Variants in CDK8 observed in about 807,000 individuals in gnomAD.
CDK8 encodes the protein cyclin-dependent kinase 8.
Under a neutral mutation model 71.5 loss-of-function variants are expected in CDK8, and 29 were observed. The observed-to-expected ratio is 0.41, with a 90% CI of 0.30 to 0.55. CDK8 has a LOEUF of 0.55. Ranked by LOEUF, CDK8 falls within the 20% of genes least tolerant of loss-of-function variation. The probability of loss-of-function intolerance (pLI) is 0.37; values close to 1 mark genes in which losing one functional copy is unlikely to be tolerated. For missense variants in CDK8, 288 were observed against 572.6 expected (o/e 0.50, Z 5.07); for synonymous variants, 161 against 192.1 (o/e 0.84, Z 1.34).
At chr13:26,397,418 T>C (rs1011816396) in intron 9 of CDK8, among the ~76,000 whole-genome samples, 193 bp downstream of exon 9, 2 of 152,130 alleles carry the variant, frequency 1.3e-5, no homozygotes, top group Admixed American at 6.5e-5. Flanking sequence ...CATATCATGG[T>C]TTGACAGACT....
In CDK8 at chr13:26,254,595, G is replaced by GCCCCCCCGCCC; in HGVS notation, c.-41_-40insCGCCCCCCCCC. On this transcript the variant is annotated 5_prime_UTR_variant, in exon 1 of 13. Transcript: ENST00000381527. The surrounding 1 kb of genome is among the most constrained non-coding windows in gnomAD (Gnocchi z 6.7). ...CCGTGCTTCCCCGGTCCCCACCCCT[G>GCCCCCCCGCCC]CCCCCCGGCCCCCCGACCCAGCTCT... 8.4e-7 allele frequency: 1 copy of GCCCCCCCGCCC among 1,194,430 alleles called. No homozygotes were observed. The highest frequency in any genetic ancestry group is 1.4e-5 in the South Asian group (1 of 74,072). The allele number at this position is 1,194,430 out of a possible 1,614,324, so 74.0% of individuals were successfully genotyped here.
chr13:26,382,355 G>A (rs139240686), intron 4 of CDK8, among the ~76,000 whole-genome samples: 113 of 152,072 alleles, frequency 7.4e-4, no homozygotes, highest in East Asian at 2.9e-3. Flanking sequence ...TCAATAATTC[G>A]TTTATTTAAA....
At chr13:26,301,750 A>G (rs1056903451) in intron 1 of CDK8, among the ~76,000 whole-genome samples, 3 of 152,198 alleles carry the variant, frequency 2.0e-5, no homozygotes, top group African/African-American at 7.2e-5. Context: ...CAGTAGAACT[A>G]ATTTTATTCC....
rs145122813 is a variant in CDK8, at chr13:26,367,967, T to C, written c.456+14087T>C. On this transcript the variant is annotated intron_variant, in intron 4 of 12. Coordinates refer to ENST00000381527, the MANE Select transcript of CDK8 (RefSeq NM_001260.3). Reference sequence around the variant, plus strand: ...GCAGATTTGGCAGGGATTCTGGACTTATTAGCCCAGTGTCCCTGGATCAAT... The same window carrying C: ...GCAGATTTGGCAGGGATTCTGGACTCATTAGCCCAGTGTCCCTGGATCAAT... 1.5e-4 allele frequency among the ~76,000 whole-genome samples: 23 copies of C among 152,314 alleles called. No individual in the cohort carries two copies. The East Asian group carries it at 4.4e-3, about 29-fold the overall frequency.
At chr13:26,361,707 T>A (rs1436788415) in intron 4 of CDK8, among the ~76,000 whole-genome samples, 5 of 151,950 alleles carry the variant, frequency 3.3e-5, no homozygotes, top group African/African-American at 1.2e-4. Context: ...CATCTCTAAT[T>A]TCTAGCTTAT....
chr13:26,329,478 T>TG (rs1875195431), intron 1 of CDK8, among the ~76,000 whole-genome samples: 1 of 118,734 alleles, frequency 8.4e-6, no homozygotes, highest in African/African-American at 3.0e-5. Context: ...TGTTTTTTTT[T>TG]TTTTGTTTTT....
chr13:26,322,329 C>A (rs1466511029), intron 1 of CDK8, among the ~76,000 whole-genome samples: 1 of 152,000 alleles, frequency 6.6e-6, no homozygotes, highest in Non-Finnish European at 1.5e-5. Flanking sequence ...GTTTGATGAC[C>A]CTAAATGACC....
intron 6 of CDK8, among the ~76,000 whole-genome samples, chr13:26,392,562 G>A (rs539230467): frequency 1.1e-4 from 17 of 152,090 alleles, no homozygotes; most frequent in African/African-American, 3.9e-4. Context: ...TCCTGACCTC[G>A]TGATCCGTCC....
intron 4 of CDK8, among the ~76,000 whole-genome samples, chr13:26,357,939 C>T (rs902208350): frequency 2.6e-5 from 4 of 152,274 alleles, no homozygotes; most frequent in South Asian, 4.1e-4. Flanking sequence ...AAAACATTCA[C>T]GGAAACATTC....
chr13:26,364,939 T>A (rs772183870), intron 4 of CDK8, among the ~76,000 whole-genome samples: 1 of 152,142 alleles, frequency 6.6e-6, no homozygotes, highest in Non-Finnish European at 1.5e-5. Flanking sequence ...TTGCCACTAT[T>A]TTTCCTTATC....
At chr13:26,347,743 T>G (rs1321120691) in intron 2 of CDK8, among the ~76,000 whole-genome samples, 1 of 152,194 alleles carries the variant, frequency 6.6e-6, no homozygotes, top group East Asian at 1.9e-4. Flanking sequence ...AGATACTACT[T>G]CATACTCATT....
intron 4 of CDK8, among the ~76,000 whole-genome samples, chr13:26,369,709 CTTTTTTT>C (rs36116401): frequency 1.0e-5 from 1 of 95,384 alleles, no homozygotes. Flanking sequence ...TTCTTTCTTT[CTTTTTTT>C]TTTTTTTTTT....
chr13:26,276,446 T>G (rs1872566060), intron 1 of CDK8, among the ~76,000 whole-genome samples: 1 of 152,202 alleles, frequency 6.6e-6, no homozygotes. Context: ...CACTTCTGAT[T>G]TTTCATCTGT....
rs547006313 is a variant in CDK8 at position 26,254,792 on chromosome 13, G to C, written c.128+23G>C. 1.9e-6 allele frequency: 3 copies of C among 1,608,594 alleles called. No homozygotes were observed. The highest frequency in any genetic ancestry group is 1.1e-5 in the South Asian group (1 of 90,328). On this transcript the variant is annotated intron_variant, in intron 1 of 12. Coordinates refer to ENST00000381527, the MANE Select transcript of CDK8 (RefSeq NM_001260.3). This position sits in a 1 kb window ranked among gnomAD's most constrained non-coding sequence, Gnocchi z 6.7. ...TGGGTGAGTGTGTGTGTCTGGGCCG[G>C]TGTCCGCGCTGGGCGGCGCTCCCGC...
chr13:26,339,695 T>TTTTATTTA (rs370690774), intron 2 of CDK8, among the ~76,000 whole-genome samples: 42,869 of 136,078 alleles, frequency 0.32, 8,143 homozygotes, highest in Non-Finnish European at 0.42. Flanking sequence ...ATACTTTCCA[T>TTTTATTTA]TTTATTTATT....
chr13:26,268,692 A>G (rs1016438153), intron 1 of CDK8, among the ~76,000 whole-genome samples: 2 of 152,252 alleles, frequency 1.3e-5, no homozygotes, highest in Middle Eastern at 3.4e-3. Context: ...ATAGGTATTT[A>G]AAATTACAGT....
At chr13:26,399,773 G>T (rs1465498420) in intron 9 of CDK8, among the ~76,000 whole-genome samples, 1 of 152,186 alleles carries the variant, frequency 6.6e-6, no homozygotes, top group Non-Finnish European at 1.5e-5. Flanking sequence ...TTTGACAAAT[G>T]AGGTAACAAA....
rs190146017 is a variant in CDK8 at position 26,341,195 on chromosome 13, C to T, written c.204+3553C>T. On this transcript the variant is annotated intron_variant, in intron 2 of 12. Coordinates refer to ENST00000381527, the MANE Select transcript of CDK8 (RefSeq NM_001260.3). ...AGGCTGGAGTGCAATGGCACGATCT[C>T]GGCTCACTGCAATCTCTGCCTCCCG... Among the ~76,000 whole-genome samples the T allele has an allele frequency of 9.3e-4, 141 of 152,230 alleles. No homozygotes were observed. The South Asian group carries it at 0.011, about 11-fold the overall frequency.
intron 2 of CDK8, among the ~76,000 whole-genome samples, chr13:26,341,360 T>TGA (rs1873231840): frequency 6.6e-6 from 1 of 152,104 alleles, no homozygotes; most frequent in Admixed American, 6.5e-5. Context: ...CTCCTAACCT[T>TGA]GTGATCCACC....
Sources: allele counts gnomAD v4.1 joint callset (sites outside exome capture counted in the v4.1 genomes callset), GRCh38; gene constraint gnomAD v4.1.1; non-coding constraint Gnocchi (gnomAD v3.1); transcripts MANE v1.5; gene names NCBI Gene and HGNC (gene_info 2026-07-23, HGNC 2026-07-21).